Variants in SERPINB5 observed in about 807,000 individuals in gnomAD.
SERPINB5 encodes the protein serpin B5.
In SERPINB5, 27 loss-of-function variants were observed where a neutral mutation model predicts 32.2. The observed-to-expected ratio is 0.84, with a 90% confidence interval of 0.62 to 1.16. The LOEUF is 1.16. Ranked by LOEUF, SERPINB5 falls within the 50% of genes most tolerant of loss-of-function variation. The probability of loss-of-function intolerance (pLI) is 0.00; values close to 1 mark genes in which losing one functional copy is unlikely to be tolerated. For missense variants in SERPINB5, 388 were observed against 436.3 expected, an observed-to-expected ratio of 0.89 and a Z score of 0.99; for synonymous variants, 154 against 157.4, an observed-to-expected ratio of 0.98 and a Z score of 0.16.
chr18:63,486,123 T>C (rs1917210035), intron 2 of SERPINB5: 1 of 152,196 alleles, frequency 6.6e-6, no homozygotes, highest in African/African-American at 2.4e-5. Context: ...CCATATAATA[T>C]TTTACGTGTT....
In SERPINB5 at chr18:63,501,338, C is replaced by T. The variant is rs555830283; in HGVS notation, c.736-1992C>T. On this transcript the variant is annotated intron_variant, in intron 6 of 6. Coordinates refer to ENST00000382771, the MANE Select transcript of SERPINB5 (RefSeq NM_002639.5). ...GATAGTTTGCTGATAATGATGGTTT[C>T]CAGCTTCATCCGTGTCCCTACAAAG... Among the ~76,000 whole-genome samples the T allele has an allele frequency of 1.8e-4, 27 of 152,122 alleles. 1 individual carries two copies. Among genetic ancestry groups the T allele is most frequent in the African/African-American group, 6.3e-4 (26 of 41,478 alleles).
chr18:63,484,583 A>G lies in SERPINB5; in HGVS notation c.155A>G (p.Asn52Ser). The change falls in exon 2 of 7, where the codon AAT becomes AGT. Residue 52 changes from asparagine to serine, a missense_variant. Physicochemically the swap from Asn to Ser is conservative, Grantham distance 46. Coordinates refer to ENST00000382771, the MANE Select transcript of SERPINB5 (RefSeq NM_002639.5). The stretch of plus-strand genomic sequence containing the variant: ...GTGGGTGCTAAAGGTGACACTGCAA[A>G]TGAAATTGGACAGGTAAGCCCCAAA... ...AQVGAKGDTANEIGQVLHFEN... is the reference protein window; with the variant it reads ...AQVGAKGDTASEIGQVLHFEN... The G allele has an allele frequency of 6.2e-7, 1 of 1,613,570 alleles. No individual in the cohort carries two copies. Among genetic ancestry groups the G allele is most frequent in the Non-Finnish European group, 8.5e-7 (1 of 1,179,872 alleles).
intron 4 of SERPINB5, among the ~76,000 whole-genome samples, chr18:63,491,899 T>TTA (rs1909350568): frequency 6.6e-6 from 1 of 152,136 alleles, no homozygotes; most frequent in Non-Finnish European, 1.5e-5. Context: ...ATTTAACATA[T>TTA]TATATAGCAT....
intron 2 of SERPINB5, 81 bp from the exon 3 acceptor site, chr18:63,486,865 T>C (rs1917221837): frequency 6.9e-7 from 1 of 1,456,672 alleles, no homozygotes; most frequent in East Asian, 2.3e-5. Context: ...CCCAAGGACG[T>C]TGGTCATTAT....
At chr18:63,495,532 C>A (rs1909429303) in intron 5 of SERPINB5, among the ~76,000 whole-genome samples, 1 of 152,236 alleles carries the variant, frequency 6.6e-6, no homozygotes, top group Admixed American at 6.5e-5. Flanking sequence ...TGGTGCCTCT[C>A]TTCAAGACCC....
At position 63,496,952 on chromosome 18, in the gene SERPINB5, G is replaced by T. The variant is rs991631917; in HGVS notation, c.568-2168G>T. 6.6e-6 allele frequency: 3 copies of T among 453,044 alleles called. No homozygotes were observed. The East Asian group carries it at 1.7e-4, about 25-fold the overall frequency. The allele number at this position is 453,044 out of a possible 1,614,324, so 28.1% of individuals were successfully genotyped here. A position where few individuals can be genotyped will look rare whatever the true frequency, so the allele number is the denominator to read the frequency against. ...CCATGGGCTCCCTTTAAGAAGAGCA[G>T]GGAGAGACCAAGGGCTAAAGTTGGG... On this transcript the variant is annotated intron_variant, in intron 5 of 6. Transcript: ENST00000382771.
At chr18:63,495,126 G>A (rs1509476) in intron 5 of SERPINB5, among the ~76,000 whole-genome samples, 112,506 of 152,150 alleles carry the variant, frequency 0.74, 41,986 homozygotes, top group African/African-American at 0.85. Context: ...AACTTCCTGA[G>A]TTTAGCTTCC....
In SERPINB5 at chr18:63,498,392, CATTTT is replaced by C. The variant is rs1316230570; in HGVS notation, c.568-724_568-720del. ...TGCCCAGCCAGTTTTTGAAATTAGGCATTTTATTAGGAAAAGCCGTATAAATGGTT... is the reference window on the plus strand; with the variant it reads ...TGCCCAGCCAGTTTTTGAAATTAGGCATTAGGAAAAGCCGTATAAATGGTT... On this transcript the variant is annotated intron_variant, in intron 5 of 6. Transcript: ENST00000382771. The surrounding 1 kb of genome is among the most constrained non-coding windows in gnomAD (Gnocchi z 4.2). Among the ~76,000 whole-genome samples the C allele has an allele frequency of 1.3e-5, 2 of 152,092 alleles. No homozygotes were observed. The highest frequency in any genetic ancestry group is 4.8e-5 in the African/African-American group (2 of 41,420).
At chr18:63,492,864 T>C in intron 4 of SERPINB5, 89 bp from the exon 5 acceptor site, 1 of 1,481,898 alleles carries the variant, frequency 6.7e-7, no homozygotes, top group South Asian at 1.3e-5. Flanking sequence ...CTCCATGAAG[T>C]GGTAAATACT....
At chr18:63,483,262 T>A (rs979388325) in intron 1 of SERPINB5, among the ~76,000 whole-genome samples, 4 of 152,248 alleles carry the variant, frequency 2.6e-5, no homozygotes, top group Non-Finnish European at 4.4e-5. Flanking sequence ...TGGGCAGCTC[T>A]GTATTCTAGT....
intron 2 of SERPINB5, chr18:63,486,128 C>T (rs935268065): frequency 7.2e-5 from 11 of 152,098 alleles, no homozygotes; most frequent in Non-Finnish European, 7.3e-5. Flanking sequence ...TAATATTTTA[C>T]GTGTTTTACA....
chr18:63,482,466 T>C (rs1365118060), intron 1 of SERPINB5, among the ~76,000 whole-genome samples: 1 of 152,206 alleles, frequency 6.6e-6, no homozygotes, highest in Non-Finnish European at 1.5e-5. Context: ...ATCCCTGTAC[T>C]GCTCACCCCG....
intron 2 of SERPINB5, chr18:63,486,578 G>A (rs773784395): frequency 6.9e-5 from 12 of 173,110 alleles, no homozygotes; most frequent in Non-Finnish European, 1.1e-4. Context: ...AAATGTTCTC[G>A]ATGGTTGATT....
At chr18:63,495,389 G>A (rs900218953) in intron 5 of SERPINB5, among the ~76,000 whole-genome samples, 8 of 152,174 alleles carry the variant, frequency 5.3e-5, no homozygotes, top group East Asian at 1.9e-4. Context: ...TGGCCCTGAC[G>A]GCATCCACAC....
chr18:63,492,921 C>G, intron 4 of SERPINB5, 32 bp from the exon 5 acceptor site: 1 of 1,595,086 alleles, frequency 6.3e-7, no homozygotes, highest in Non-Finnish European at 8.5e-7. Flanking sequence ...AAGAATAATT[C>G]TGCTACTTGT....
chr18:63,488,345 C>T (rs11659461), intron 3 of SERPINB5, among the ~76,000 whole-genome samples: 75,269 of 152,086 alleles, frequency 0.49, 20,293 homozygotes, highest in Non-Finnish European at 0.62. Context: ...TTTAGTTTCA[C>T]TGAACTTCCA....
intron 4 of SERPINB5, 140 bp from the exon 5 acceptor site, chr18:63,492,813 G>A (rs1909368550): frequency 2.8e-6 from 3 of 1,053,312 alleles, no homozygotes; most frequent in Non-Finnish European, 4.2e-6. Context: ...GAGTCCTTCT[G>A]AAATTTGATG....
At position 63,503,653 on chromosome 18, in the gene SERPINB5, C is replaced by G; in HGVS notation, c.1059C>G (p.Pro353=). ...AGGATGAATTGAATGCTGACCATCC[C>G]TTTATTTACATCATCAGGCACAACA... ...QHKDELNADH[P]FIYIIRHNKT... The change falls in exon 7 of 7, where the codon CCC becomes CCG. Residue 353 remains proline, a synonymous_variant. Transcript: ENST00000382771. 2 of 1,614,172 alleles carry G rather than the reference C, an allele frequency of 1.2e-6. No homozygotes were observed. The highest frequency in any genetic ancestry group is 1.7e-6 in the Non-Finnish European group (2 of 1,180,016).
intron 1 of SERPINB5, among the ~76,000 whole-genome samples, chr18:63,483,542 A>C (rs952561618): frequency 6.6e-6 from 1 of 152,254 alleles, no homozygotes; most frequent in African/African-American, 2.4e-5. Context: ...CTTGGAGGCC[A>C]GTACTTTGAA....
Sources: gnomAD v4.1 joint callset for allele counts (sites outside exome capture counted in the v4.1 genomes callset) on GRCh38, gnomAD v4.1.1 for gene constraint, Gnocchi (gnomAD v3.1) non-coding constraint, MANE v1.5 for transcripts, NCBI Gene and HGNC (gene_info 2026-07-23, HGNC 2026-07-21) for gene names.